The following MYO1D variants were observed in gnomAD, a reference collection of about 807,000 sequenced individuals.
MYO1D encodes unconventional myosin-Id.
MYO1D carries 83 observed loss-of-function variants against 122.0 expected under a neutral mutation model. The ratio of observed to expected loss-of-function variants is 0.68; its 90% CI spans 0.57 to 0.82. The LOEUF is 0.82. MYO1D is among the 40% of genes least tolerant of loss of function. MYO1D has a pLI of 0.00. For missense variants in MYO1D, 1,157 were observed against 1,269.5 expected (o/e 0.91, Z 1.35); for synonymous variants, 464 against 446.9 (o/e 1.04, Z -0.48).
intron 12 of MYO1D, among the ~76,000 whole-genome samples, chr17:32,748,734 T>C (rs555712912): frequency 4.0e-4 from 61 of 152,324 alleles, no homozygotes; most frequent in African/African-American, 1.3e-3. Context: ...CATGGGCAAG[T>C]AGTGTGTGCT....
intron 11 of MYO1D, 70 bp downstream of exon 11, chr17:32,755,422 C>A: frequency 6.8e-7 from 1 of 1,460,924 alleles, no homozygotes; most frequent in Non-Finnish European, 9.4e-7. Flanking sequence ...CATATAAAGT[C>A]GTTGAACTCC....
At chr17:32,855,342 C>T (rs2091019451) in intron 1 of MYO1D, among the ~76,000 whole-genome samples, 1 of 152,170 alleles carries the variant, frequency 6.6e-6, no homozygotes, top group Non-Finnish European at 1.5e-5. Context: ...CCTCTCTCTT[C>T]TCCAAAAATA....
Position 32,595,074 on chromosome 17 carries a change from T to C in MYO1D, c.2864+10013A>G, listed in dbSNP as rs192383448. ...CCTCCTGCCTTCTGTCCCACACATATTACATTGCTTAGCCCTGTAATCCTG... is the reference window on the plus strand; with the variant it reads ...CCTCCTGCCTTCTGTCCCACACATACTACATTGCTTAGCCCTGTAATCCTG... On this transcript the variant is annotated intron_variant, in intron 21 of 21. Transcript: ENST00000318217. 3.8e-3 allele frequency among the ~76,000 whole-genome samples: 580 copies of C among 152,302 alleles called. 2 individuals carry two copies. The highest frequency in any genetic ancestry group is 6.8e-3 in the Middle Eastern group (2 of 294).
At chr17:32,782,281 T>C (rs1201313369) in intron 1 of MYO1D, among the ~76,000 whole-genome samples, 2 of 152,228 alleles carry the variant, frequency 1.3e-5, no homozygotes, top group Non-Finnish European at 2.9e-5. Flanking sequence ...ATTTTTCTAC[T>C]ATGGGTTTTC....
chr17:32,580,600 G>A (rs1049230784), intron 21 of MYO1D, among the ~76,000 whole-genome samples: 6 of 151,456 alleles, frequency 4.0e-5, no homozygotes, highest in Admixed American at 2.6e-4. Flanking sequence ...TAGTAGAGAC[G>A]GGATTTCACC....
At chr17:32,540,746 TGA>T (rs1230240599) in intron 21 of MYO1D, among the ~76,000 whole-genome samples, 1 of 151,732 alleles carries the variant, frequency 6.6e-6, no homozygotes, top group Non-Finnish European at 1.5e-5. Context: ...GACAACATGG[TGA>T]AACCCCGTCT....
intron 16 of MYO1D, among the ~76,000 whole-genome samples, chr17:32,681,457 G>C (rs2088915916): frequency 6.9e-6 from 1 of 145,882 alleles, no homozygotes; most frequent in Admixed American, 6.8e-5. Flanking sequence ...TTGTGTCTTT[G>C]TTCTCGTTGG....
chr17:32,626,879 AT>A (rs2087934691), intron 20 of MYO1D, among the ~76,000 whole-genome samples: 1 of 152,222 alleles, frequency 6.6e-6, no homozygotes. Flanking sequence ...AAATCCAATA[AT>A]AAAGTCATTG....
intron 1 of MYO1D, among the ~76,000 whole-genome samples, chr17:32,806,069 T>C (rs145849175): frequency 0.07 from 10,580 of 152,174 alleles, 541 homozygotes; most frequent in Non-Finnish European, 0.093. Flanking sequence ...CCATCCTGGC[T>C]AGCACGGTGA....
At chr17:32,554,886 C>A (rs901753042) in intron 21 of MYO1D, among the ~76,000 whole-genome samples, 1 of 152,122 alleles carries the variant, frequency 6.6e-6, no homozygotes, top group African/African-American at 2.4e-5. Flanking sequence ...CCAATTAAAT[C>A]TAGTGCAAAG....
In MYO1D at chr17:32,654,458, T is replaced by G. The variant is rs2088444597; in HGVS notation, c.2490+19A>C. The stretch of plus-strand genomic sequence containing the variant: ...TAGAGGAAGTAGAAGTAGATTTCAC[T>G]TTGTTCCCTTGGACTTACTGAAGCA... On this transcript the variant is annotated intron_variant, in intron 18 of 21. Coordinates refer to ENST00000318217, the MANE Select transcript of MYO1D (RefSeq NM_015194.3). 1 of 1,585,544 alleles carries G rather than the reference T, an allele frequency of 6.3e-7. No individual in the cohort carries two copies. Among genetic ancestry groups the G allele is most frequent in the South Asian group, 1.2e-5 (1 of 86,746 alleles).
intron 16 of MYO1D, among the ~76,000 whole-genome samples, chr17:32,693,884 G>A (rs2089137013): frequency 6.6e-6 from 1 of 152,196 alleles, no homozygotes; most frequent in African/African-American, 2.4e-5. Flanking sequence ...AGTGGGGCCG[G>A]GTGTGAGGGA....
chr17:32,570,857 T>C (rs1300545752), intron 21 of MYO1D, among the ~76,000 whole-genome samples: 3 of 152,184 alleles, frequency 2.0e-5, no homozygotes, highest in Admixed American at 6.5e-5. Context: ...GTTTCTAACA[T>C]GCATATCCTA....
intron 1 of MYO1D, among the ~76,000 whole-genome samples, chr17:32,850,706 TTTTG>T (rs1175225500): frequency 2.6e-5 from 4 of 152,166 alleles, no homozygotes. Context: ...GTACCCTGTT[TTTTG>T]TTTGTTTGAG....
At chr17:32,650,314 G>A (rs1045849959) in intron 19 of MYO1D, among the ~76,000 whole-genome samples, 6 of 152,142 alleles carry the variant, frequency 3.9e-5, no homozygotes, top group East Asian at 1.9e-4. Flanking sequence ...TTGTTCCTTC[G>A]TGTCTTTTTT....
chr17:32,655,960 T>TAG (rs1167723993), intron 17 of MYO1D, among the ~76,000 whole-genome samples: 4 of 152,130 alleles, frequency 2.6e-5, no homozygotes, highest in African/African-American at 9.7e-5. Context: ...GACAATGGAT[T>TAG]AGATGTGGGG....
At chr17:32,651,739 G>A (rs530576851) in intron 19 of MYO1D, among the ~76,000 whole-genome samples, 3 of 145,902 alleles carry the variant, frequency 2.1e-5, no homozygotes, top group East Asian at 2.0e-4. Context: ...GCAGTGGCAC[G>A]ATCTCGGCTC....
chr17:32,677,386 T>C (rs2088827950), intron 16 of MYO1D, among the ~76,000 whole-genome samples: 1 of 152,076 alleles, frequency 6.6e-6, no homozygotes, highest in East Asian at 1.9e-4. Flanking sequence ...CTCTGGATTC[T>C]TTGAAATACA....
At chr17:32,776,168 A>C (rs955024681) in intron 3 of MYO1D, 139 bp from the exon 4 acceptor site, 34 of 727,428 alleles carry the variant, frequency 4.7e-5, no homozygotes, top group Admixed American at 4.0e-4. Context: ...CAAAAAAAAA[A>C]CAAACAAATT....
Sources: gnomAD v4.1 joint callset for allele counts (sites outside exome capture counted in the v4.1 genomes callset) on GRCh38, gnomAD v4.1.1 for gene constraint, MANE v1.5 for transcripts, NCBI Gene and HGNC (gene_info 2026-07-23, HGNC 2026-07-21) for gene names.